The following SETD2 variants were observed in gnomAD, a reference collection of about 807,000 sequenced individuals.
SETD2 encodes the protein SET domain containing 2, histone lysine methyltransferase.
A neutral mutation model predicts 242.1 loss-of-function variants in SETD2; 31 were observed. The observed-to-expected ratio is 0.13, with a 90% confidence interval of 0.10 to 0.17. SETD2 has a LOEUF of 0.17. SETD2 is among the 10% of genes least tolerant of loss of function. The pLI is 1.00. For synonymous variants in SETD2, 1,006 were observed against 1,066.5 expected (o/e 0.94, Z 1.11); for missense variants, 2,481 against 3,046.3 (o/e 0.81, Z 4.37).
intron 12 of SETD2, among the ~76,000 whole-genome samples, chr3:47,072,954 A>T (rs1370340297): frequency 6.6e-6 from 1 of 151,290 alleles, no homozygotes; most frequent in Non-Finnish European, 1.5e-5. Context: ...CTCAAAAAAA[A>T]AAAGAAAGAA....
At chr3:47,133,984 T>C (rs980378223) in intron 1 of SETD2, among the ~76,000 whole-genome samples, 1 of 152,204 alleles carries the variant, frequency 6.6e-6, no homozygotes, top group African/African-American at 2.4e-5. Context: ...GCTTTTAACA[T>C]ATCCTAGCCC....
At chr3:47,112,843 G>T (rs145073311) in intron 5 of SETD2, among the ~76,000 whole-genome samples, 1,998 of 152,302 alleles carry the variant, frequency 0.013, 30 homozygotes, top group South Asian at 0.062. Context: ...ACTCACCTTG[G>T]CTTCCCAAAG....
chr3:47,043,632 G>A (rs778866806), intron 16 of SETD2, among the ~76,000 whole-genome samples: 1 of 152,112 alleles, frequency 6.6e-6, no homozygotes, highest in Admixed American at 6.6e-5. Flanking sequence ...ACCTTTGCTT[G>A]CACAGTTAAA....
intron 14 of SETD2, among the ~76,000 whole-genome samples, chr3:47,058,463 AACAC>A (rs1491066711): frequency 8.7e-6 from 1 of 114,722 alleles, no homozygotes; most frequent in East Asian, 2.5e-4. Flanking sequence ...AAAAAAAAAA[AACAC>A]AAAGAGGGAG....
At chr3:47,099,625 T>C (rs2042133072) in intron 8 of SETD2, among the ~76,000 whole-genome samples, 1 of 152,238 alleles carries the variant, frequency 6.6e-6, no homozygotes, top group Non-Finnish European at 1.5e-5. Context: ...CTTTTTGTTT[T>C]CTGAGACAGG....
At chr3:47,116,410 T>C (rs1485350440) in intron 4 of SETD2, among the ~76,000 whole-genome samples, 3 of 152,206 alleles carry the variant, frequency 2.0e-5, no homozygotes, top group Non-Finnish European at 4.4e-5. Context: ...ACTTAAAACA[T>C]GGTGGGTACT....
intron 13 of SETD2, chr3:47,064,480 C>T (rs878978228): frequency 5.4e-6 from 1 of 186,170 alleles, no homozygotes; most frequent in South Asian, 1.0e-4. Flanking sequence ...ACCCAGGTTT[C>T]TTACCTAGTA....
Position 47,121,780 on chromosome 3 carries a change from A to G in SETD2, c.2856T>C (p.Asn952=). The G allele has an allele frequency of 6.2e-7, 1 of 1,614,106 alleles. No individual in the cohort carries two copies. Among genetic ancestry groups the G allele is most frequent in the Non-Finnish European group, 8.5e-7 (1 of 1,180,000 alleles). The change falls in exon 3 of 21, where the codon AAT becomes AAC. Residue 952 remains asparagine (N), a synonymous_variant. Transcript: ENST00000409792. The part of the protein sequence containing the change: ...GFASRENRRN[N]GLSGKCLQEA... ...CTTGCAAACATTTCCCAGATAACCCATTATTACGCCTGTTCTCCCTGGAAG... is the reference window on the plus strand; with the variant it reads ...CTTGCAAACATTTCCCAGATAACCCGTTATTACGCCTGTTCTCCCTGGAAG...
intron 18 of SETD2, among the ~76,000 whole-genome samples, chr3:47,022,689 C>T (rs1445901985): frequency 6.6e-6 from 1 of 152,148 alleles, no homozygotes; most frequent in Non-Finnish European, 1.5e-5. Flanking sequence ...AGGCCGTGGA[C>T]AGTTAAGAGT....
Position 47,126,643 on chromosome 3 carries a change from C to G in SETD2, c.87+5G>C. 1 of 1,346,828 alleles carries G rather than the reference C, an allele frequency of 7.4e-7. No homozygotes were observed. Among genetic ancestry groups the G allele is most frequent in the Non-Finnish European group, 1.0e-6 (1 of 965,640 alleles). The allele number at this position is 1,346,828 out of a possible 1,614,324, so 83.4% of individuals were successfully genotyped here. A position where few individuals can be genotyped will look rare whatever the true frequency, so the allele number is the denominator to read the frequency against. On this transcript the variant is annotated splice_donor_5th_base_variant and intron_variant, in intron 2 of 20. Coordinates refer to ENST00000409792, the MANE Select transcript of SETD2 (RefSeq NM_014159.7). Reference sequence around the variant, plus strand: ...TCATTGAATGACTAGTTAAATTATACTTACCTCATTTTCTTCTTCTCTATT... The same window carrying G: ...TCATTGAATGACTAGTTAAATTATAGTTACCTCATTTTCTTCTTCTCTATT...
At chr3:47,077,375 G>A (rs765097618) in intron 12 of SETD2, among the ~76,000 whole-genome samples, 3 of 152,028 alleles carry the variant, frequency 2.0e-5, no homozygotes, top group Non-Finnish European at 4.4e-5. Context: ...GAGCCACCAC[G>A]CCCGGCCTGC....
chr3:47,164,019 G>A lies in SETD2; in HGVS notation c.-95C>T. 7.0e-6 allele frequency: 1 copy of A among 142,044 alleles called. No individual in the cohort carries two copies. The highest frequency in any genetic ancestry group is 8.2e-6 in the Non-Finnish European group (1 of 122,480). 8.8% of individuals were successfully genotyped at this position (142,044 alleles called of 1,614,324 possible). ...GGAGGCCGCAGGTCCGACCGCGGCG[G>A]CGGCGGCGGCGGCGGCGGCGGCGGC... On this transcript the variant is annotated 5_prime_UTR_variant, in exon 1 of 21. Transcript: ENST00000409792. This position sits in a 1 kb window ranked among gnomAD's most constrained non-coding sequence, Gnocchi z 5.4.
At chr3:47,119,449 T>G (rs150464245) in intron 3 of SETD2, 92 of 156,780 alleles carry the variant, frequency 5.9e-4, no homozygotes, top group African/African-American at 2.0e-3. Context: ...ACTTTATAAG[T>G]ACCTGATATG....
At chr3:47,045,543 C>T (rs1172116905) in intron 16 of SETD2, among the ~76,000 whole-genome samples, 1 of 127,434 alleles carries the variant, frequency 7.8e-6, no homozygotes, top group Admixed American at 7.8e-5. Context: ...AAAAAAAATA[C>T]AAAAATTAGC....
rs147499497 is a variant in SETD2 at position 47,033,151 on chromosome 3, G to A, written c.7350+4515C>T. Among the ~76,000 whole-genome samples, 1,022 of 152,278 alleles carry A rather than the reference G, an allele frequency of 6.7e-3. 8 individuals carry two copies. The highest frequency in any genetic ancestry group is 0.011 in the Non-Finnish European group (751 of 68,008). On this transcript the variant is annotated intron_variant, in intron 18 of 20. Transcript: ENST00000409792. ...CTTCCAACCTCATGCTGGATTACAA[G>A]TTTTATGATGCCTATGTTCCCATAC...
At chr3:47,074,939 T>C (rs1165410213) in intron 12 of SETD2, among the ~76,000 whole-genome samples, 2 of 151,960 alleles carry the variant, frequency 1.3e-5, no homozygotes, top group Non-Finnish European at 2.9e-5. Flanking sequence ...ATTGAGACCA[T>C]CCTGGCTAAC....
At chr3:47,161,100 C>T (rs1217822881) in intron 1 of SETD2, among the ~76,000 whole-genome samples, 2 of 152,170 alleles carry the variant, frequency 1.3e-5, no homozygotes, top group African/African-American at 2.4e-5. Context: ...CTAAAAAGGG[C>T]ACTTGGTCAT....
chr3:47,088,415 A>G (rs973312829), intron 9 of SETD2, among the ~76,000 whole-genome samples, 168 bp from the exon 10 acceptor site: 17 of 151,868 alleles, frequency 1.1e-4, no homozygotes, highest in Admixed American at 6.5e-4. Flanking sequence ...GATAATAACA[A>G]GTCTACTGTT....
chr3:47,155,889 A>T (rs2044116132), intron 1 of SETD2, among the ~76,000 whole-genome samples: 1 of 151,758 alleles, frequency 6.6e-6, no homozygotes, highest in Admixed American at 6.6e-5. Flanking sequence ...TCAGTGACTT[A>T]GGTGTAAATG....
Sources: allele counts gnomAD v4.1 joint callset (sites outside exome capture counted in the v4.1 genomes callset), GRCh38; gene constraint gnomAD v4.1.1; non-coding constraint Gnocchi (gnomAD v3.1); transcripts MANE v1.5; gene names NCBI Gene and HGNC (gene_info 2026-07-23, HGNC 2026-07-21).